TANC2: variants seen among roughly 807,000 people sequenced by gnomAD.
TANC2 encodes the protein protein TANC2.
A neutral mutation model predicts 210.5 loss-of-function variants in TANC2; 26 were observed. That is an observed-to-expected ratio of 0.12 (90% confidence interval 0.09 to 0.17). TANC2 has a LOEUF of 0.17. TANC2 is among the 10% of genes least tolerant of loss of function. The pLI, the probability that TANC2 is intolerant of heterozygous loss-of-function variation, is 1.00. For synonymous variants in TANC2, 931 were observed against 967.1 expected (o/e 0.96, Z 0.69); for missense variants, 2,129 against 2,608.9 (o/e 0.82, Z 4.01).
chr17:63,154,107 A>G (rs2039753539), intron 5 of TANC2: 1 of 152,184 alleles, frequency 6.6e-6, no homozygotes, highest in African/African-American at 2.4e-5. Flanking sequence ...ATACAAGCAA[A>G]CAGTATGTTT....
At chr17:63,290,088 C>A (rs145126220) in intron 9 of TANC2, among the ~76,000 whole-genome samples, 3 of 152,252 alleles carry the variant, frequency 2.0e-5, no homozygotes, top group East Asian at 1.9e-4. Context: ...TGAGGGCAGG[C>A]CTTGTTAAGA....
intron 7 of TANC2, among the ~76,000 whole-genome samples, chr17:63,231,470 G>T (rs1300857834): frequency 6.6e-6 from 1 of 152,098 alleles, no homozygotes; most frequent in African/African-American, 2.4e-5. Context: ...ACAAATTCCT[G>T]CAGCATTTGC....
chr17:63,136,795 C>T (rs537820670), intron 4 of TANC2, among the ~76,000 whole-genome samples: 195 of 152,198 alleles, frequency 1.3e-3, no homozygotes, highest in African/African-American at 4.3e-3. Flanking sequence ...TTGAGGGTGA[C>T]AAGAACTAGA....
intron 9 of TANC2, among the ~76,000 whole-genome samples, chr17:63,283,648 C>T (rs1479296867): frequency 6.6e-6 from 1 of 151,786 alleles, no homozygotes; most frequent in African/African-American, 2.4e-5. Flanking sequence ...TCATGTAGAC[C>T]TTCCTTAATT....
intron 7 of TANC2, among the ~76,000 whole-genome samples, chr17:63,230,797 G>A (rs1290368453): frequency 6.6e-6 from 1 of 152,168 alleles, no homozygotes; most frequent in East Asian, 1.9e-4. Flanking sequence ...TTTATCCAGA[G>A]CTGAGTTCCA....
chr17:62,967,682 T>TA (rs1221145924), intron 1 of TANC2: 1 of 152,204 alleles, frequency 6.6e-6, no homozygotes, highest in Non-Finnish European at 1.5e-5. Context: ...AAAATATCTG[T>TA]AATGAGGAAA....
intron 5 of TANC2, among the ~76,000 whole-genome samples, chr17:63,187,428 A>T (rs1011119736): frequency 6.6e-6 from 1 of 152,216 alleles, no homozygotes; most frequent in Non-Finnish European, 1.5e-5. Context: ...AATTAACTAG[A>T]CTACAGACCT....
chr17:63,198,670 ATCTGTCAAT>A (rs1481584640), intron 6 of TANC2, among the ~76,000 whole-genome samples: 2 of 152,130 alleles, frequency 1.3e-5, no homozygotes, highest in African/African-American at 4.8e-5. Context: ...GGGGCTCAGT[ATCTGTCAAT>A]TTTGTAAGAG....
chr17:63,351,365 A>G, exon 13 of TANC2: 1 of 1,610,458 alleles, frequency 6.2e-7, no homozygotes, highest in Non-Finnish European at 8.5e-7. Context: ...AAATGATCGG[A>G]AAGTTTCCTT....
chr17:63,248,132 T>G (rs1272799881), intron 8 of TANC2, among the ~76,000 whole-genome samples: 1 of 152,076 alleles, frequency 6.6e-6, no homozygotes, highest in Non-Finnish European at 1.5e-5. Flanking sequence ...TCTAAACCAT[T>G]TTTAAATTAA....
chr17:63,288,966 A>T lies in TANC2; in HGVS notation c.1159+21093A>T, dbSNP rs553351970. Among the ~76,000 whole-genome samples the T allele has an allele frequency of 2.0e-5, 3 of 152,256 alleles. No individual in the cohort carries two copies. In the East Asian group the frequency reaches 5.8e-4, roughly 29 times the overall value. On this transcript the variant is annotated intron_variant, in intron 9 of 27. Coordinates refer to ENST00000689528, the Ensembl canonical transcript of TANC2. The stretch of plus-strand genomic sequence containing the variant: ...GAAGGATAATTTCTCAGGGTACAGA[A>T]TTCTAGGTTGGTGGGGTTTTCTCTC...
At chr17:63,241,381 G>A (rs1351020396) in intron 8 of TANC2, among the ~76,000 whole-genome samples, 1 of 152,200 alleles carries the variant, frequency 6.6e-6, no homozygotes, top group Non-Finnish European at 1.5e-5. Flanking sequence ...AATTAGCAGT[G>A]TAATGGTATT....
At chr17:63,163,883 A>G (rs550488620) in intron 5 of TANC2, among the ~76,000 whole-genome samples, 1 of 152,340 alleles carries the variant, frequency 6.6e-6, no homozygotes, top group East Asian at 1.9e-4. Context: ...GTAATTTTCT[A>G]TAATGTATGT....
At chr17:63,065,568 A>G (rs1446240537) in intron 2 of TANC2, among the ~76,000 whole-genome samples, 1 of 152,202 alleles carries the variant, frequency 6.6e-6, no homozygotes, top group Non-Finnish European at 1.5e-5. Flanking sequence ...CATCCCTAGC[A>G]ACATTTATCT....
intron 7 of TANC2, among the ~76,000 whole-genome samples, chr17:63,201,287 G>C (rs564080630): frequency 2.8e-4 from 43 of 152,204 alleles, no homozygotes; most frequent in African/African-American, 9.6e-4. Context: ...TTCCTTACTG[G>C]TATAGTCGAG....
At chr17:63,053,436 T>C (rs1162912002) in intron 2 of TANC2, among the ~76,000 whole-genome samples, 8 of 152,226 alleles carry the variant, frequency 5.3e-5, no homozygotes, top group Admixed American at 5.2e-4. Context: ...TAAAACCCCT[T>C]CTTTGTTTCT....
chr17:63,022,908 G>A (rs557333954), intron 2 of TANC2, among the ~76,000 whole-genome samples: 9 of 152,364 alleles, frequency 5.9e-5, no homozygotes, highest in African/African-American at 1.9e-4. Context: ...AGTGAGCCTA[G>A]ATGTGGCTTG....
intron 9 of TANC2, among the ~76,000 whole-genome samples, chr17:63,291,479 C>T (rs1298487884): frequency 6.6e-6 from 1 of 151,976 alleles, no homozygotes; most frequent in Admixed American, 6.6e-5. Context: ...ATGTACATAC[C>T]CTCTGACAAG....
At chr17:63,383,715 G>A (rs2047685053) in intron 15 of TANC2, among the ~76,000 whole-genome samples, 1 of 152,166 alleles carries the variant, frequency 6.6e-6, no homozygotes, top group South Asian at 2.1e-4. Context: ...GCTCATTTGA[G>A]TAAATGCCTT....
Sources: allele counts gnomAD v4.1 joint callset (sites outside exome capture counted in the v4.1 genomes callset), GRCh38; gene constraint gnomAD v4.1.1; transcripts MANE v1.5; gene names NCBI Gene and HGNC (gene_info 2026-07-23, HGNC 2026-07-21).